The following LRP6 variants were observed in gnomAD, a reference collection of about 807,000 sequenced individuals.
LRP6 encodes low-density lipoprotein receptor-related protein 6.
Under a neutral mutation model 184.1 loss-of-function variants are expected in LRP6, and 43 were observed. The ratio of observed to expected loss-of-function variants is 0.23; its 90% CI spans 0.18 to 0.30. The LOEUF (loss-of-function observed/expected upper bound fraction) is 0.30. Among genes scored for constraint, LRP6 ranks in the 10% least tolerant of loss-of-function variants. The pLI is 1.00. For synonymous variants in LRP6, 719 were observed against 684.9 expected (o/e 1.05, Z -0.78); for missense variants, 1,571 against 2,005.3 (o/e 0.78, Z 4.14).
At chr12:12,249,485 A>C (rs1865268840) in intron 1 of LRP6, 1 of 656,326 alleles carries the variant, frequency 1.5e-6, no homozygotes. Context: ...AAGAAAAACC[A>C]CAGGCCCTTC....
chr12:12,181,632 G>C (rs1863348659), intron 5 of LRP6, among the ~76,000 whole-genome samples, 193 bp from the exon 6 acceptor site: 4 of 152,194 alleles, frequency 2.6e-5, no homozygotes. Flanking sequence ...AGGTCAAGCT[G>C]TTTAATGGCT....
At chr12:12,143,365 T>C (rs1321890858) in intron 15 of LRP6, among the ~76,000 whole-genome samples, 1 of 152,130 alleles carries the variant, frequency 6.6e-6, no homozygotes, top group Non-Finnish European at 1.5e-5. Context: ...GCAAACCCAA[T>C]GAACATCTTA....
chr12:12,151,275 T>A (rs1211087008), intron 12 of LRP6, among the ~76,000 whole-genome samples: 1 of 152,214 alleles, frequency 6.6e-6, no homozygotes, highest in East Asian at 1.9e-4. Flanking sequence ...CCACCTACCC[T>A]GTTTTTCTCC....
intron 3 of LRP6, among the ~76,000 whole-genome samples, chr12:12,189,474 C>T (rs1009868302): frequency 6.6e-6 from 1 of 152,054 alleles, no homozygotes; most frequent in African/African-American, 2.4e-5. Flanking sequence ...AAATCAATGG[C>T]TTATTAGAAT....
In LRP6 at chr12:12,159,820, T is replaced by C; in HGVS notation, c.2424A>G (p.Thr808=). ...ATTCTATTAAGTTGGTGTCCAGGTC[T>C]GTCCAATAAAGCCTCCTTTTAGCAT... ...IDYAKRRLYW[T]DLDTNLIESS... Residue 808 remains threonine (T), a synonymous_variant, in exon 11 of 23, where the codon ACA becomes ACG. Coordinates refer to ENST00000261349, the MANE Select transcript of LRP6 (RefSeq NM_002336.3). 1 of 1,614,184 alleles carries C rather than the reference T, an allele frequency of 6.2e-7. No individual in the cohort carries two copies. Among genetic ancestry groups the C allele is most frequent in the Non-Finnish European group, 8.5e-7 (1 of 1,180,018 alleles).
chr12:12,154,233 T>C (rs1254216221), intron 12 of LRP6, among the ~76,000 whole-genome samples: 1 of 144,002 alleles, frequency 6.9e-6, no homozygotes, highest in African/African-American at 2.6e-5. Context: ...CTTTTGCATT[T>C]ACTATCCCCT....
In LRP6 at chr12:12,125,318, G is replaced by T; in HGVS notation, c.4427C>A (p.Thr1476Asn). 6.2e-7 allele frequency: 1 copy of T among 1,614,016 alleles called. No homozygotes were observed. Among genetic ancestry groups the T allele is most frequent in the Non-Finnish European group, 8.5e-7 (1 of 1,179,980 alleles). The part of the protein sequence containing the change: ...TGASSSSSSS[T>N]KGTYFPAILN... ...TACTGCAGGGAAGTAAGTGCCTTTGGTGCTTGAAGAACTACTTGATGATGC... is the reference window on the plus strand; with the variant it reads ...TACTGCAGGGAAGTAAGTGCCTTTGTTGCTTGAAGAACTACTTGATGATGC... The change falls in exon 21 of 23, where the codon ACC becomes AAC. Residue 1476 changes from threonine to asparagine, a missense_variant. Thr to Asn is a moderately conservative substitution (Grantham distance 65, BLOSUM62 0). Around this residue, in one of 4 missense-constraint regions of LRP6, gnomAD observed 763 missense variants for 859.5 expected, o/e 0.89. Coordinates refer to ENST00000261349, the MANE Select transcript of LRP6 (RefSeq NM_002336.3).
chr12:12,170,983 T>C (rs1301341604), intron 7 of LRP6, among the ~76,000 whole-genome samples: 3 of 152,130 alleles, frequency 2.0e-5, no homozygotes, highest in African/African-American at 7.2e-5. Context: ...ATTAAGACCA[T>C]AGATATATTA....
intron 2 of LRP6, among the ~76,000 whole-genome samples, chr12:12,223,354 C>A (rs1864539017): frequency 6.6e-6 from 1 of 152,136 alleles, no homozygotes; most frequent in Non-Finnish European, 1.5e-5. Flanking sequence ...TACACTGAAA[C>A]CTTGTTGCTG....
chr12:12,172,105 A>AC (rs1319446614), intron 7 of LRP6, among the ~76,000 whole-genome samples: 1 of 152,228 alleles, frequency 6.6e-6, no homozygotes, highest in Non-Finnish European at 1.5e-5. Context: ...TTAAGGGTGT[A>AC]CTTCACTGTA....
intron 21 of LRP6, 115 bp from the exon 22 acceptor site, chr12:12,124,777 C>T (rs1442480664): frequency 5.9e-6 from 4 of 677,256 alleles, no homozygotes; most frequent in African/African-American, 5.4e-5. Context: ...ACTATTAGCA[C>T]AATTCTTCTT....
chr12:12,173,153 A>T (rs1233818985), intron 7 of LRP6, among the ~76,000 whole-genome samples: 2 of 152,206 alleles, frequency 1.3e-5, no homozygotes, highest in Non-Finnish European at 2.9e-5. Flanking sequence ...AATTGAGAAC[A>T]GAGTTCCAGA....
At chr12:12,190,267 A>C (rs1345842167) in intron 3 of LRP6, among the ~76,000 whole-genome samples, 1 of 152,188 alleles carries the variant, frequency 6.6e-6, no homozygotes, top group African/African-American at 2.4e-5. Context: ...ATCTGGAAAC[A>C]CAAGTTACTT....
At chr12:12,205,318 T>C (rs1417491425) in intron 2 of LRP6, among the ~76,000 whole-genome samples, 1 of 84,160 alleles carries the variant, frequency 1.2e-5, no homozygotes, top group Non-Finnish European at 2.1e-5. Flanking sequence ...TAAGACTCTG[T>C]CTCAAACAAA....
rs1295134357 is a variant in LRP6 at position 12,119,999 on chromosome 12, AT to A, written c.*1126del. On this transcript the variant is annotated 3_prime_UTR_variant, in exon 23 of 23. Coordinates refer to ENST00000261349, the MANE Select transcript of LRP6 (RefSeq NM_002336.3). ...ACAAACAAACAAACAAAATATATAT[AT>A]ATATATATATATATATATATATATA... 5.4e-3 allele frequency: 239 copies of A among 43,938 alleles called. 5 individuals are homozygous for A. The highest frequency in any genetic ancestry group is 0.033 in the Middle Eastern group (3 of 92). The allele number at this position is 43,938 out of a possible 1,614,324, so 2.7% of individuals were successfully genotyped here. A position where few individuals can be genotyped will look rare whatever the true frequency, so the allele number is the denominator to read the frequency against.
At chr12:12,142,018 C>G (rs1949941582) in intron 15 of LRP6, among the ~76,000 whole-genome samples, 1 of 152,022 alleles carries the variant, frequency 6.6e-6, no homozygotes, top group South Asian at 2.1e-4. Flanking sequence ...CTTTATCTTC[C>G]AAAGGAAGTC....
chr12:12,259,460 A>G (rs1865557869), intron 1 of LRP6, among the ~76,000 whole-genome samples: 1 of 152,162 alleles, frequency 6.6e-6, no homozygotes, highest in Admixed American at 6.6e-5. Context: ...GGTCCTTCCA[A>G]GCAAGATATT....
intron 2 of LRP6, among the ~76,000 whole-genome samples, chr12:12,217,610 G>C (rs1436714381): frequency 6.6e-6 from 1 of 152,028 alleles, no homozygotes; most frequent in Admixed American, 6.6e-5. Context: ...AAGCTATAGG[G>C]ACTCAGATTT....
At chr12:12,154,327 G>T (rs1051377746) in intron 12 of LRP6, among the ~76,000 whole-genome samples, 1 of 151,960 alleles carries the variant, frequency 6.6e-6, no homozygotes, top group African/African-American at 2.4e-5. Flanking sequence ...CATTTTTTCA[G>T]TAAGAACTTC....
Sources: gnomAD v4.1 joint callset for allele counts (sites outside exome capture counted in the v4.1 genomes callset) on GRCh38, gnomAD v4.1.1 for gene constraint, gnomAD v4.1.1 regional missense constraint, MANE v1.5 for transcripts, NCBI Gene and HGNC (gene_info 2026-07-23, HGNC 2026-07-21) for gene names.